The following RGS7 variants were observed in gnomAD, a reference collection of about 807,000 sequenced individuals.
The protein encoded by RGS7 is regulator of G-protein signaling 7.
In RGS7, 27 loss-of-function variants were observed where a neutral mutation model predicts 81.1. The observed-to-expected ratio is 0.33, with a 90% CI of 0.25 to 0.46. The LOEUF (loss-of-function observed/expected upper bound fraction) is 0.46. Ranked by LOEUF, RGS7 falls within the 20% of genes least tolerant of loss-of-function variation. The pLI is 1.00. For missense variants in RGS7, 396 were observed against 607.4 expected, an observed-to-expected ratio of 0.65 and a Z score of 3.66; for synonymous variants, 208 against 207.7, an observed-to-expected ratio of 1.00 and a Z score of -0.01.
At chr1:240,934,594 G>A (rs1419274784) in intron 5 of RGS7, among the ~76,000 whole-genome samples, 1 of 152,066 alleles carries the variant, frequency 6.6e-6, no homozygotes, top group Non-Finnish European at 1.5e-5. Flanking sequence ...ATTTACAAAT[G>A]TGTTTGTTAT....
chr1:240,853,067 A>C (rs1660397915), intron 9 of RGS7, among the ~76,000 whole-genome samples: 2 of 152,228 alleles, frequency 1.3e-5, no homozygotes, highest in South Asian at 4.1e-4. Context: ...GAGTATTTTT[A>C]AATAATGAGG....
At chr1:241,330,067 G>A (rs550426328) in intron 2 of RGS7, among the ~76,000 whole-genome samples, 47 of 152,118 alleles carry the variant, frequency 3.1e-4, no homozygotes, top group Non-Finnish European at 6.2e-4. Flanking sequence ...AGCCTCTCGA[G>A]TAGCTGGGAC....
chr1:241,029,957 A>C (rs1271732353), intron 3 of RGS7, among the ~76,000 whole-genome samples: 2 of 152,130 alleles, frequency 1.3e-5, no homozygotes, highest in African/African-American at 4.8e-5. Context: ...GATAACAGGC[A>C]CCTCCATTAC....
rs188497450 is a variant in RGS7 at position 241,306,627 on chromosome 1, C to T, written c.78+49072G>A. Among the ~76,000 whole-genome samples the T allele has an allele frequency of 2.9e-4, 43 of 150,562 alleles. 1 individual carries two copies. The highest frequency in any genetic ancestry group is 9.7e-4 in the African/African-American group (40 of 41,164). Reference sequence around the variant, plus strand: ...TCACAGGCATATATACGCACATGTCCACACACATGCACGTACCCTTTCACA... The same window carrying T: ...TCACAGGCATATATACGCACATGTCTACACACATGCACGTACCCTTTCACA... On this transcript the variant is annotated intron_variant, in intron 2 of 18. Coordinates refer to ENST00000440928, the MANE Select transcript of RGS7 (RefSeq NM_001364886.1).
chr1:241,306,374 C>A (rs539555182), intron 2 of RGS7, among the ~76,000 whole-genome samples: 1 of 149,578 alleles, frequency 6.7e-6, no homozygotes, highest in African/African-American at 2.5e-5. Flanking sequence ...TCCACACACA[C>A]GCACACACCC....
chr1:241,141,173 C>T (rs1006787229), intron 2 of RGS7, among the ~76,000 whole-genome samples: 2 of 152,044 alleles, frequency 1.3e-5, no homozygotes, highest in African/African-American at 2.4e-5. Flanking sequence ...AATTGCTAAC[C>T]GTCTAAATTC....
rs183998233 is a variant in RGS7, at chr1:240,861,944, C to T, written c.609+6643G>A. Among the ~76,000 whole-genome samples the T allele has an allele frequency of 2.0e-4, 30 of 152,166 alleles. No individual in the cohort carries two copies. In the East Asian group the frequency reaches 3.1e-3, roughly 16 times the overall value. On this transcript the variant is annotated intron_variant, in intron 9 of 18. Coordinates refer to ENST00000440928, the MANE Select transcript of RGS7 (RefSeq NM_001364886.1). Reference sequence around the variant, plus strand: ...AAATCCTGTTAATACAAGCTACTAACGCATTATTCTTTGTGTGTGTATATG... The same window carrying T: ...AAATCCTGTTAATACAAGCTACTAATGCATTATTCTTTGTGTGTGTATATG...
At chr1:241,024,512 A>G (rs138338027) in intron 3 of RGS7, among the ~76,000 whole-genome samples, 1 of 152,218 alleles carries the variant, frequency 6.6e-6, no homozygotes, top group African/African-American at 2.4e-5. Context: ...GAGCTAGTAT[A>G]CCAGTGACAT....
intron 2 of RGS7, among the ~76,000 whole-genome samples, chr1:241,274,792 T>C (rs2078103040): frequency 6.6e-6 from 1 of 152,196 alleles, no homozygotes; most frequent in African/African-American, 2.4e-5. Flanking sequence ...AATCTCATGA[T>C]TGACTATGGA....
At chr1:241,197,605 A>G (rs1397004793) in intron 2 of RGS7, among the ~76,000 whole-genome samples, 1 of 151,948 alleles carries the variant, frequency 6.6e-6, no homozygotes, top group African/African-American at 2.4e-5. Context: ...AAGCACCACT[A>G]GAGATAAAGA....
At chr1:241,165,120 T>C (rs2070082266) in intron 2 of RGS7, among the ~76,000 whole-genome samples, 3 of 152,182 alleles carry the variant, frequency 2.0e-5, no homozygotes, top group African/African-American at 7.2e-5. Context: ...GGGAACTAAA[T>C]TGGTATATGA....
At chr1:241,137,031 T>C (rs1438109715) in intron 2 of RGS7, among the ~76,000 whole-genome samples, 1 of 152,162 alleles carries the variant, frequency 6.6e-6, no homozygotes, top group Non-Finnish European at 1.5e-5. Flanking sequence ...TCAGCTGCTG[T>C]GGCCACCTTA....
intron 10 of RGS7, among the ~76,000 whole-genome samples, chr1:240,826,137 T>G (rs1416654469): frequency 6.6e-6 from 1 of 152,200 alleles, no homozygotes; most frequent in Non-Finnish European, 1.5e-5. Context: ...CTTGCTTTGG[T>G]CTGGCTTCGC....
chr1:240,827,864 CAAAAAAAAAAAAA>C (rs57562408), intron 9 of RGS7, among the ~76,000 whole-genome samples: 3 of 52,864 alleles, frequency 5.7e-5, no homozygotes, highest in African/African-American at 1.6e-4. Context: ...AACTCCATTG[CAAAAAAAAAAAAA>C]AAAAAAAAAA....
intron 2 of RGS7, among the ~76,000 whole-genome samples, chr1:241,195,865 G>C (rs1483475848): frequency 2.0e-5 from 3 of 151,990 alleles, no homozygotes; most frequent in Admixed American, 2.0e-4. Flanking sequence ...ACAATGAAAA[G>C]ATCTAATACA....
chr1:240,833,247 G>A (rs938819168), intron 9 of RGS7, among the ~76,000 whole-genome samples: 4 of 152,182 alleles, frequency 2.6e-5, no homozygotes, highest in Admixed American at 6.5e-5. Context: ...CACAGACAGC[G>A]TGGATCTGCT....
At chr1:241,187,487 G>GTA (rs1481166754) in intron 2 of RGS7, among the ~76,000 whole-genome samples, 1 of 152,092 alleles carries the variant, frequency 6.6e-6, no homozygotes, top group African/African-American at 2.4e-5. Flanking sequence ...CAGTATAAAA[G>GTA]TATTATTTTG....
intron 2 of RGS7, among the ~76,000 whole-genome samples, chr1:241,223,321 C>T (rs1011458519): frequency 2.6e-5 from 4 of 152,124 alleles, no homozygotes; most frequent in Non-Finnish European, 5.9e-5. Context: ...ATGTGGATGT[C>T]CCTGGTTGGC....
chr1:240,957,211 C>T (rs534936987), intron 4 of RGS7, among the ~76,000 whole-genome samples: 56 of 152,250 alleles, frequency 3.7e-4, no homozygotes, highest in African/African-American at 1.3e-3. Context: ...CTGAGTCTTC[C>T]GGCCTCCATC....
Sources: allele counts gnomAD v4.1 joint callset (sites outside exome capture counted in the v4.1 genomes callset), GRCh38; gene constraint gnomAD v4.1.1; transcripts MANE v1.5; gene names NCBI Gene and HGNC (gene_info 2026-07-23, HGNC 2026-07-21).